The following RP1L1 variants were observed in gnomAD, a reference collection of about 807,000 sequenced individuals.
The protein encoded by RP1L1 is RP1 like 1, also known as retinitis pigmentosa 1-like 1 protein.
Under a neutral mutation model 15.7 loss-of-function variants are expected in RP1L1, and 27 were observed. The observed-to-expected ratio is 1.72, with a 90% CI of 1.27 to 2.38. RP1L1 has a LOEUF of 2.38. Ranked by LOEUF, RP1L1 falls within the 30% of genes most tolerant of loss-of-function variation. The pLI is 0.00. For missense variants in RP1L1, 4,798 were observed against 3,075.9 expected, an observed-to-expected ratio of 1.56 and a Z score of -13.24; for synonymous variants, 1,813 against 1,276.7, an observed-to-expected ratio of 1.42 and a Z score of -8.96.
At chr8:10,654,719 C>G (rs1798612378) in intron 1 of RP1L1, among the ~76,000 whole-genome samples, 179 bp downstream of exon 1, 1 of 152,188 alleles carries the variant, frequency 6.6e-6, no homozygotes, top group Non-Finnish European at 1.5e-5. Flanking sequence ...CCCAAACAGC[C>G]CAGCAGGCCT....
Position 10,616,309 on chromosome 8 carries a change from G to T in RP1L1, c.751+137C>A. On this transcript the variant is annotated intron_variant, in intron 3 of 3. Transcript: ENST00000382483. ...CTGAGAAGGAGGAAGAGGCAAGAGAGATCCCAAAATGACTGGGATACCCAA... is the reference window on the plus strand; with the variant it reads ...CTGAGAAGGAGGAAGAGGCAAGAGATATCCCAAAATGACTGGGATACCCAA... The T allele has an allele frequency of 4.5e-6, 5 of 1,116,814 alleles. No individual in the cohort carries two copies. The South Asian group carries it at 6.4e-5, about 14-fold the overall frequency. 69.2% of individuals were successfully genotyped at this position (1,116,814 alleles called of 1,614,324 possible).
At chr8:10,623,374 G>A (rs1255493881) in intron 1 of RP1L1, among the ~76,000 whole-genome samples, 154 bp from the exon 2 acceptor site, 1 of 152,180 alleles carries the variant, frequency 6.6e-6, no homozygotes, top group Non-Finnish European at 1.5e-5. Flanking sequence ...TGGAACAGAA[G>A]GAAGGACAAA....
chr8:10,607,745 G>A lies in RP1L1; in HGVS notation c.6353C>T (p.Ala2118Val), dbSNP rs750816955. Residue 2118 changes from alanine to valine, a missense_variant, in exon 4 of 4, where the codon GCC becomes GTC. By Grantham distance (64) the Ala-to-Val change is moderately conservative (BLOSUM62 0). Coordinates refer to ENST00000382483, the MANE Select transcript of RP1L1 (RefSeq NM_178857.6). The stretch of plus-strand genomic sequence containing the variant: ...CTGGGCCTCCCCTTCAGTCTCTGGG[G>A]CCTCTATACCTTCTGCCTTCTGGGC... ...GEAQKAEGIE[A>V]PETEGEAQPE... 2.5e-6 allele frequency: 4 copies of A among 1,596,804 alleles called. No individual in the cohort carries two copies. The highest frequency in any genetic ancestry group is 1.4e-5 in the African/African-American group (1 of 69,314).
chr8:10,638,728 G>A (rs1305054126), intron 1 of RP1L1, among the ~76,000 whole-genome samples: 1 of 152,184 alleles, frequency 6.6e-6, no homozygotes, highest in Non-Finnish European at 1.5e-5. Context: ...CTAGGGCTGA[G>A]GACAAACAAG....
intron 1 of RP1L1, among the ~76,000 whole-genome samples, chr8:10,649,716 TA>T (rs1481107426): frequency 1.3e-5 from 2 of 152,158 alleles, no homozygotes; most frequent in Non-Finnish European, 2.9e-5. Context: ...CCATCTCTAC[TA>T]AAAACACAAA....
Position 10,612,095 on chromosome 8 carries a change from G to C in RP1L1, c.2003C>G (p.Ser668Cys), listed in dbSNP as rs369395204. The C allele has an allele frequency of 1.3e-5, 21 of 1,613,850 alleles. No homozygotes were observed. In the African/African-American group the frequency reaches 2.1e-4, roughly 16 times the overall value. Residue 668 changes from serine to cysteine, a missense_variant, in exon 4 of 4, where the codon TCT (serine) becomes TGT (cysteine). By Grantham distance (112) the Ser-to-Cys change is moderately radical. Coordinates refer to ENST00000382483, the MANE Select transcript of RP1L1 (RefSeq NM_178857.6). ...RVAPRGHPRH[S>C]HYRKDTHSPL... ...GCTGTGGGTGTCCTTGCGGTAGTGAGAATGCCTGGGATGGCCTCTCGGGGC... is the reference window on the plus strand; with the variant it reads ...GCTGTGGGTGTCCTTGCGGTAGTGACAATGCCTGGGATGGCCTCTCGGGGC...
intron 1 of RP1L1, among the ~76,000 whole-genome samples, chr8:10,639,149 A>G (rs80136034): frequency 7.9e-5 from 12 of 152,040 alleles, no homozygotes; most frequent in East Asian, 1.9e-4. Context: ...CTCAAAAAAA[A>G]AAAAGAAAAG....
At chr8:10,613,598 TCCAA>T (rs1380892871) in intron 3 of RP1L1, among the ~76,000 whole-genome samples, 4 of 38,728 alleles carry the variant, frequency 1.0e-4, no homozygotes, top group East Asian at 9.9e-4. Flanking sequence ...ACACCATCTC[TCCAA>T]AAAAAAAAAA....
chr8:10,653,663 A>G (rs1798596337), intron 1 of RP1L1, among the ~76,000 whole-genome samples: 1 of 152,032 alleles, frequency 6.6e-6, no homozygotes, highest in Non-Finnish European at 1.5e-5. Flanking sequence ...GCATACACAC[A>G]CACACACACA....
chr8:10,652,481 A>G (rs942235304), intron 1 of RP1L1, among the ~76,000 whole-genome samples: 1 of 152,162 alleles, frequency 6.6e-6, no homozygotes, highest in African/African-American at 2.4e-5. Context: ...TAACTCTAAT[A>G]TTCCTTCCTG....
rs200958801 is a variant in RP1L1 at position 10,611,647 on chromosome 8, C to T, written c.2451G>A (p.Ala817=). The T allele has an allele frequency of 1.8e-5, 29 of 1,612,992 alleles. No homozygotes were observed. In the Admixed American group the frequency reaches 3.0e-4, roughly 17 times the overall value. Residue 817 remains alanine (A), a synonymous_variant, in exon 4 of 4, where the codon GCG becomes GCA. Transcript: ENST00000382483. ...VLQVGRPEQG[A]VGPHRSHCCS... ...AGCAGTGGCTTCGGTGGGGGCCCAC[C>T]GCCCCTTGCTCAGGCCGTCCAACCT...
At chr8:10,630,928 G>C (rs1258063302) in intron 1 of RP1L1, among the ~76,000 whole-genome samples, 2 of 152,184 alleles carry the variant, frequency 1.3e-5, no homozygotes, top group South Asian at 4.1e-4. Flanking sequence ...CTGGGCTTGT[G>C]GGGGCTGGGA....
chr8:10,612,964 C>T lies in RP1L1; in HGVS notation c.1134G>A (p.Glu378=), dbSNP rs773519190. ...AGGGCCGGGGTCCCCACACCCCAGG[C>T]TCTGAGAAGCCCCAAGGGTAGCCCT... ...VWEGYPWGFS[E]PGVWGPRPCR... is the part of the protein sequence containing the mutation. The change falls in exon 4 of 4, where the codon GAG becomes GAA. Residue 378 remains glutamate (E), a synonymous_variant. Coordinates refer to ENST00000382483, the MANE Select transcript of RP1L1 (RefSeq NM_178857.6). The T allele has an allele frequency of 1.9e-5, 31 of 1,613,036 alleles. No homozygotes were observed. In the Admixed American group the frequency reaches 5.2e-4, roughly 27 times the overall value.
chr8:10,634,910 G>T (rs1387932285), intron 1 of RP1L1, among the ~76,000 whole-genome samples: 1 of 152,096 alleles, frequency 6.6e-6, no homozygotes, highest in Non-Finnish European at 1.5e-5. Context: ...GTCTCCCCAA[G>T]ACTCTCTTCA....
At position 10,609,765 on chromosome 8, in the gene RP1L1, C is replaced by T; in HGVS notation, c.4333G>A (p.Glu1445Lys). 6.2e-7 allele frequency: 1 copy of T among 1,613,622 alleles called. No homozygotes were observed. The highest frequency in any genetic ancestry group is 8.5e-7 in the Non-Finnish European group (1 of 1,179,684). Reference sequence around the variant, plus strand: ...GGCTCTGTGGGTTCCTCTGTGCCCTCTGCGGGGCACGGCTCTGCAGAGGCA... The same window carrying T: ...GGCTCTGTGGGTTCCTCTGTGCCCTTTGCGGGGCACGGCTCTGCAGAGGCA... ...ASASAEPCPA[E>K]GTEEPTEPPS... The change falls in exon 4 of 4, where the codon GAG becomes AAG. Residue 1445 changes from glutamate (E) to lysine (K), a missense_variant. By Grantham distance (56) the Glu-to-Lys change is moderately conservative. Transcript: ENST00000382483.
At chr8:10,632,462 C>T (rs1410443472) in intron 1 of RP1L1, among the ~76,000 whole-genome samples, 1 of 152,240 alleles carries the variant, frequency 6.6e-6, no homozygotes, top group Non-Finnish European at 1.5e-5. Context: ...ATACAGATAT[C>T]TCCACCTAAA....
rs201120801 is a variant in RP1L1, at chr8:10,616,446, C to G, written c.751G>C (p.Gly251Arg). ...GGGGGAAACCCAAAAACCAACTCAC[C>G]GTTTTTGTTTCTTGAAGTCAGCCCA... ...LSGLTSRNKN[G>R]SWGPKTKPSV... Residue 251 changes from glycine to arginine, a missense_variant and splice_region_variant, in exon 3 of 4, where the codon GGG (glycine) becomes CGG (arginine). Physicochemically the swap from Gly to Arg is moderately radical, Grantham distance 125 (BLOSUM62 -2). Coordinates refer to ENST00000382483, the MANE Select transcript of RP1L1 (RefSeq NM_178857.6). 6.2e-7 allele frequency: 1 copy of G among 1,614,092 alleles called. No individual in the cohort carries two copies. Among genetic ancestry groups the G allele is most frequent in the African/African-American group, 1.3e-5 (1 of 74,942 alleles).
chr8:10,617,657 T>C (rs1218183890), intron 2 of RP1L1, among the ~76,000 whole-genome samples: 2 of 143,102 alleles, frequency 1.4e-5, no homozygotes, highest in African/African-American at 2.6e-5. Context: ...CCCGGGTTCA[T>C]GCCATTCTCC....
chr8:10,608,408 C>T lies in RP1L1; in HGVS notation c.5690G>A (p.Trp1897Ter), dbSNP rs1467445771. ...ACCTTCTGACTCTGGCTGGACCTCC[C>T]ATTCTGCCTCTGGGGTCTCTACATC... ...SEDVETPEAE[W>*]EVQPESEGAE... Residue 1897 changes from tryptophan to a stop codon, truncating the protein, a stop_gained, in exon 4 of 4, where the codon TGG becomes TAG. Transcript: ENST00000382483. LOFTEE classifies it low-confidence loss of function (END_TRUNC). 1 of 1,606,894 alleles carries T rather than the reference C, an allele frequency of 6.2e-7. No homozygotes were observed. The highest frequency in any genetic ancestry group is 8.5e-7 in the Non-Finnish European group (1 of 1,176,514).
Sources: allele counts gnomAD v4.1 joint callset (sites outside exome capture counted in the v4.1 genomes callset), GRCh38; gene constraint gnomAD v4.1.1; transcripts MANE v1.5; gene names NCBI Gene and HGNC (gene_info 2026-07-23, HGNC 2026-07-21).